The following KCTD16 variants were observed in gnomAD, a reference collection of about 807,000 sequenced individuals.
The protein encoded by KCTD16 is BTB/POZ domain-containing protein KCTD16.
In KCTD16, 13 loss-of-function variants were observed where a neutral mutation model predicts 33.2. The observed-to-expected ratio is 0.39, with a 90% CI of 0.25 to 0.62. The LOEUF (loss-of-function observed/expected upper bound fraction) is 0.62, where lower values mean the gene tolerates loss of function less well. KCTD16 is among the 20% of genes least tolerant of loss of function. The probability of loss-of-function intolerance (pLI) is 0.50; values close to 1 mark genes in which losing one functional copy is unlikely to be tolerated. For missense variants in KCTD16, 441 were observed against 525.1 expected, an observed-to-expected ratio of 0.84 and a Z score of 1.57; for synonymous variants, 197 against 195.3, an observed-to-expected ratio of 1.01 and a Z score of -0.07.
chr5:144,395,796 C>T (rs1752555556), intron 3 of KCTD16, among the ~76,000 whole-genome samples: 1 of 152,166 alleles, frequency 6.6e-6, no homozygotes, highest in Non-Finnish European at 1.5e-5. Context: ...CAGCTGTGGT[C>T]CAGTAAACTG....
intron 3 of KCTD16, among the ~76,000 whole-genome samples, chr5:144,261,701 C>T (rs1054367556): frequency 2.0e-5 from 3 of 152,212 alleles, no homozygotes; most frequent in Admixed American, 6.5e-5. Context: ...CACATCCGGG[C>T]TTATTGCAAC....
intron 3 of KCTD16, among the ~76,000 whole-genome samples, chr5:144,243,493 T>A (rs766472889): frequency 4.6e-5 from 7 of 152,206 alleles, no homozygotes; most frequent in Non-Finnish European, 8.8e-5. Context: ...TTATGTTGTG[T>A]ATCTGTTCTA....
chr5:144,396,722 C>G (rs1292802497), intron 3 of KCTD16, among the ~76,000 whole-genome samples: 39 of 151,908 alleles, frequency 2.6e-4, no homozygotes. Context: ...AATCAAAACA[C>G]CCAAGAATTG....
chr5:144,240,006 T>C (rs1457185376), intron 3 of KCTD16, among the ~76,000 whole-genome samples: 1 of 152,176 alleles, frequency 6.6e-6, no homozygotes, highest in Non-Finnish European at 1.5e-5. Context: ...TAGGCTAAGA[T>C]CTTTACCTGG....
intron 3 of KCTD16, among the ~76,000 whole-genome samples, chr5:144,418,053 G>A (rs1753114848): frequency 1.3e-5 from 2 of 152,088 alleles, no homozygotes; most frequent in Non-Finnish European, 2.9e-5. Flanking sequence ...ACAGACCTTG[G>A]CAGTGAGTAT....
At chr5:144,440,132 C>G (rs1753670760) in intron 3 of KCTD16, among the ~76,000 whole-genome samples, 2 of 152,132 alleles carry the variant, frequency 1.3e-5, no homozygotes, top group African/African-American at 2.4e-5. Context: ...ACATTTCAAA[C>G]ACAACCCCTT....
chr5:144,369,446 C>T (rs1254556285), intron 3 of KCTD16: 2 of 152,128 alleles, frequency 1.3e-5, no homozygotes, highest in African/African-American at 2.4e-5. Flanking sequence ...TGAACCCCAA[C>T]CTGTAGTCAA....
chr5:144,269,469 C>A (rs1755236310), intron 3 of KCTD16, among the ~76,000 whole-genome samples: 1 of 151,978 alleles, frequency 6.6e-6, no homozygotes, highest in African/African-American at 2.4e-5. Context: ...AAAAAATCAA[C>A]AAATAATCCT....
At chr5:144,456,204 A>C (rs887789994) in intron 3 of KCTD16, among the ~76,000 whole-genome samples, 6 of 150,628 alleles carry the variant, frequency 4.0e-5, no homozygotes, top group Admixed American at 1.3e-4. Flanking sequence ...CCCCTCACAA[A>C]CCCCCCCCAA....
chr5:144,208,945 GTCT>G (rs1361549853), intron 3 of KCTD16, among the ~76,000 whole-genome samples: 1 of 152,128 alleles, frequency 6.6e-6, no homozygotes, highest in Non-Finnish European at 1.5e-5. Context: ...GACAGGTATT[GTCT>G]TCTTCCTTTT....
chr5:144,439,365 A>G, intron 3 of KCTD16: 2 of 516,608 alleles, frequency 3.9e-6, no homozygotes, highest in South Asian at 1.6e-5. Flanking sequence ...ATCTGAATGG[A>G]GGAATCTTGG....
intron 3 of KCTD16, among the ~76,000 whole-genome samples, chr5:144,387,229 A>C (rs554418941): frequency 2.1e-5 from 3 of 144,504 alleles, no homozygotes; most frequent in African/African-American, 7.7e-5. Context: ...CTTCTGCTTC[A>C]GACTCCCAAA....
At chr5:144,203,786 G>A (rs1350243686) in intron 2 of KCTD16, among the ~76,000 whole-genome samples, 1 of 152,152 alleles carries the variant, frequency 6.6e-6, no homozygotes, top group Non-Finnish European at 1.5e-5. Context: ...TGATGTCAAC[G>A]AAATATTTAT....
intron 3 of KCTD16, among the ~76,000 whole-genome samples, chr5:144,435,960 T>G (rs933602417): frequency 6.6e-6 from 1 of 152,198 alleles, no homozygotes; most frequent in Non-Finnish European, 1.5e-5. Context: ...TTTACTGGCC[T>G]AGAGTCCATT....
rs190820338 is a variant in KCTD16, at chr5:144,467,236, C to T, written c.833-6424C>T. ...TGTATATTAACTGTCTAGCAATATG[C>T]CTAAATATTTTCCATTCTAATGTCT... On this transcript the variant is annotated intron_variant, in intron 3 of 3. Transcript: ENST00000512467. 3.8e-3 allele frequency among the ~76,000 whole-genome samples: 579 copies of T among 151,128 alleles called. 1 individual carries two copies. Among genetic ancestry groups the T allele is most frequent in the African/African-American group, 0.014 (557 of 41,112 alleles).
intron 3 of KCTD16, among the ~76,000 whole-genome samples, chr5:144,473,458 C>T (rs941448698): frequency 2.0e-5 from 3 of 152,064 alleles, no homozygotes; most frequent in East Asian, 1.9e-4. Context: ...ATATAGCATG[C>T]CATCATTAAT....
chr5:144,451,168 A>T (rs1017504941), intron 3 of KCTD16, among the ~76,000 whole-genome samples: 4 of 152,102 alleles, frequency 2.6e-5, no homozygotes, highest in Non-Finnish European at 5.9e-5. Flanking sequence ...TTTCATCTGA[A>T]TTGGAGAAGC....
At chr5:144,337,466 T>C (rs1752518957) in intron 3 of KCTD16, among the ~76,000 whole-genome samples, 1 of 152,212 alleles carries the variant, frequency 6.6e-6, no homozygotes, top group Admixed American at 6.5e-5. Flanking sequence ...ATTTTCTTAA[T>C]TTGAAATTTT....
At chr5:144,337,321 A>G (rs1752515287) in intron 3 of KCTD16, among the ~76,000 whole-genome samples, 1 of 152,176 alleles carries the variant, frequency 6.6e-6, no homozygotes, top group Admixed American at 6.5e-5. Flanking sequence ...GTTTTCTAAA[A>G]TAGGTGGTAC....
Sources: gnomAD v4.1 joint callset for allele counts (sites outside exome capture counted in the v4.1 genomes callset) on GRCh38, gnomAD v4.1.1 for gene constraint, MANE v1.5 for transcripts, NCBI Gene and HGNC (gene_info 2026-07-23, HGNC 2026-07-21) for gene names.